The following NCOA2 variants were observed in gnomAD, a reference collection of about 807,000 sequenced individuals.
NCOA2 encodes nuclear receptor coactivator 2, also known as class E basic helix-loop-helix protein 75.
In NCOA2, 21 loss-of-function variants were observed where a neutral mutation model predicts 145.1. The observed-to-expected ratio is 0.14, with a 90% CI of 0.10 to 0.21. The LOEUF is 0.21. Among genes scored for constraint, NCOA2 ranks in the 10% least tolerant of loss-of-function variants. The pLI is 1.00. For missense variants in NCOA2, 1,472 were observed against 1,837.6 expected (o/e 0.80, Z 3.64); for synonymous variants, 619 against 637.5 (o/e 0.97, Z 0.44).
chr8:70,244,687 G>A (rs558415383), intron 2 of NCOA2, among the ~76,000 whole-genome samples: 2 of 152,042 alleles, frequency 1.3e-5, no homozygotes, highest in Non-Finnish European at 2.9e-5. Context: ...ATTAAGATTT[G>A]CATCTAAAAA....
intron 2 of NCOA2, among the ~76,000 whole-genome samples, chr8:70,227,744 G>A (rs1820780579): frequency 1.3e-5 from 2 of 152,192 alleles, no homozygotes; most frequent in South Asian, 4.1e-4. Flanking sequence ...GCCGGGTGCA[G>A]TGGCTCACAC....
chr8:70,256,565 G>T (rs1290096759), intron 2 of NCOA2, among the ~76,000 whole-genome samples: 1 of 152,042 alleles, frequency 6.6e-6, no homozygotes, highest in Non-Finnish European at 1.5e-5. Context: ...AGACTGAAGA[G>T]AAAGAAAAAA....
At chr8:70,384,248 T>C (rs535735680) in intron 1 of NCOA2, among the ~76,000 whole-genome samples, 1 of 150,528 alleles carries the variant, frequency 6.6e-6, no homozygotes, top group South Asian at 2.1e-4. Flanking sequence ...TACAGGATTA[T>C]ATTCAAACTC....
In NCOA2 at chr8:70,156,160, C is replaced by G. The variant is rs996650759; in HGVS notation, c.2205G>C (p.Val735=). ...GSEVTIKQEP[V]SPKKKENALL... The stretch of plus-strand genomic sequence containing the variant: ...GTGCATTCTCTTTCTTCTTGGGGCT[C>G]ACCGGCTCTTGTTTAATAGTCACTT... Residue 735 remains valine (V), a synonymous_variant, in exon 11 of 23, where the codon GTG becomes GTC. Coordinates refer to ENST00000452400, the MANE Select transcript of NCOA2 (RefSeq NM_006540.4). 6.2e-7 allele frequency: 1 copy of G among 1,613,820 alleles called. No homozygotes were observed. The highest frequency in any genetic ancestry group is 8.5e-7 in the Non-Finnish European group (1 of 1,179,838).
Position 70,170,239 on chromosome 8 carries a change from G to T in NCOA2, c.504C>A (p.His168Gln). Reference sequence around the variant, plus strand: ...GCAGCAGGTTTTTGACAAATTCCGTGTGGTCCCCAACATGCAAGATGCTAT... The same window carrying T: ...GCAGCAGGTTTTTGACAAATTCCGTTTGGTCCCCAACATGCAAGATGCTAT... ...SVYSILHVGD[H>Q]TEFVKNLLPK... Residue 168 changes from histidine to glutamine, a missense_variant, in exon 6 of 23, where the codon CAC (histidine) becomes CAA (glutamine). Physicochemically the swap from His to Gln is conservative, Grantham distance 24. Coordinates refer to ENST00000452400, the MANE Select transcript of NCOA2 (RefSeq NM_006540.4). 6.2e-7 allele frequency: 1 copy of T among 1,613,472 alleles called. No homozygotes were observed. Among genetic ancestry groups the T allele is most frequent in the Non-Finnish European group, 8.5e-7 (1 of 1,179,732 alleles).
the NCOA2 span, among the ~76,000 whole-genome samples, chr8:70,441,381 GAAGA>G: frequency 1.0e-5 from 1 of 98,156 alleles, no homozygotes; most frequent in East Asian, 3.2e-4. Flanking sequence ...GAGAAAGAAA[GAAGA>G]AAGAGAAAGA....
At chr8:70,170,881 G>C (rs1444982212) in intron 5 of NCOA2, among the ~76,000 whole-genome samples, 1 of 152,022 alleles carries the variant, frequency 6.6e-6, no homozygotes. Flanking sequence ...TAGCTGTCAC[G>C]GATTATATGA....
intron 11 of NCOA2, among the ~76,000 whole-genome samples, chr8:70,149,240 T>G (rs927921204): frequency 1.1e-4 from 16 of 144,876 alleles, no homozygotes; most frequent in South Asian, 2.2e-4. Flanking sequence ...GTTTTTTTTG[T>G]TTTTTTTTTT....
rs559454190 is a variant in NCOA2, at chr8:70,400,616, CCTCT to C, written c.-77+3080_-77+3083del. Among the ~76,000 whole-genome samples the C allele has an allele frequency of 4.6e-5, 7 of 152,118 alleles. No individual in the cohort carries two copies. In the South Asian group the frequency reaches 1.2e-3, roughly 27 times the overall value. On this transcript the variant is annotated intron_variant, in intron 1 of 22. Transcript: ENST00000452400. Reference sequence around the variant, plus strand: ...TGAATGTTGTTTTTAATACTCCTTACCTCTCTGTCAGTCTAAGTGTTTGGTTTAC... The same window carrying C: ...TGAATGTTGTTTTTAATACTCCTTACCTGTCAGTCTAAGTGTTTGGTTTAC...
the NCOA2 span, among the ~76,000 whole-genome samples, chr8:70,420,973 T>C: frequency 2.0e-5 from 3 of 152,028 alleles, no homozygotes; most frequent in South Asian, 6.2e-4. Context: ...CTGTTATCTT[T>C]AAAAACTTAA....
At chr8:70,341,082 G>GAAAAAAAAAAAAAAAAAA (rs3085558) in intron 1 of NCOA2, among the ~76,000 whole-genome samples, 8 of 105,066 alleles carry the variant, frequency 7.6e-5, no homozygotes, top group African/African-American at 2.6e-4. Flanking sequence ...TTAAAAAGTT[G>GAAAAAAAAAAAAAAAAAA]AAAAAAAAAA....
rs754318134 is a variant in NCOA2, at chr8:70,156,851, C to A, written c.1514G>T (p.Ser505Ile). The A allele has an allele frequency of 6.2e-7, 1 of 1,613,982 alleles. No individual in the cohort carries two copies. The highest frequency in any genetic ancestry group is 2.2e-5 in the East Asian group (1 of 44,884). ...CAAGCTTCCTGCAGGGGAAAACTGA[C>A]TGGGTGGGATTCGAGGGCTGCCAGC... ...GVAGSPRIPP[S>I]QFSPAGSLHS... The change falls in exon 11 of 23, where the codon AGT (serine) becomes ATT (isoleucine). Residue 505 changes from serine to isoleucine, a missense_variant. Physicochemically the swap from Ser to Ile is moderately radical, Grantham distance 142. This residue lies in a region of NCOA2 where 953 missense variants were observed against 1,062.1 expected (regional missense o/e 0.90). Transcript: ENST00000452400.
chr8:70,215,965 GCTGAA>G (rs1337790874), intron 3 of NCOA2, among the ~76,000 whole-genome samples: 2 of 151,958 alleles, frequency 1.3e-5, no homozygotes, highest in Non-Finnish European at 2.9e-5. Context: ...CTTTATCCTA[GCTGAA>G]CTGTGTTCCA....
intron 1 of NCOA2, among the ~76,000 whole-genome samples, chr8:70,393,125 G>GC (rs1813351280): frequency 6.6e-6 from 1 of 152,142 alleles, no homozygotes; most frequent in Non-Finnish European, 1.5e-5. Flanking sequence ...AAAACCACAA[G>GC]CCCCAGAAAG....
At chr8:70,332,653 T>A (rs1807215705) in intron 1 of NCOA2, among the ~76,000 whole-genome samples, 1 of 152,158 alleles carries the variant, frequency 6.6e-6, no homozygotes. Flanking sequence ...TTAAATAGAT[T>A]TTTAACAGCA....
chr8:70,294,402 T>C (rs562853637), intron 2 of NCOA2, among the ~76,000 whole-genome samples: 1 of 152,186 alleles, frequency 6.6e-6, no homozygotes, highest in Non-Finnish European at 1.5e-5. Context: ...TAATAGCATA[T>C]CATGTTTACA....
chr8:70,435,342 A>G, the NCOA2 span, among the ~76,000 whole-genome samples: 21,505 of 142,246 alleles, frequency 0.15, 1,941 homozygotes, highest in African/African-American at 0.26. Flanking sequence ...GGAGAATGGC[A>G]TGAACCCAAG....
At chr8:70,306,128 G>A (rs1827868558) in intron 1 of NCOA2, among the ~76,000 whole-genome samples, 1 of 152,138 alleles carries the variant, frequency 6.6e-6, no homozygotes, top group South Asian at 2.1e-4. Context: ...GAATACTGGA[G>A]AAAACTGGAT....
At chr8:70,331,583 G>C (rs1307967495) in intron 1 of NCOA2, among the ~76,000 whole-genome samples, 2 of 151,888 alleles carry the variant, frequency 1.3e-5, no homozygotes, top group Non-Finnish European at 2.9e-5. Flanking sequence ...CTTCTAAAAA[G>C]TCTAACATTT....
Sources: gnomAD v4.1 joint callset for allele counts (sites outside exome capture counted in the v4.1 genomes callset) on GRCh38, gnomAD v4.1.1 for gene constraint, gnomAD v4.1.1 regional missense constraint, MANE v1.5 for transcripts, NCBI Gene and HGNC (gene_info 2026-07-23, HGNC 2026-07-21) for gene names.